Variants in PDE1A observed in about 807,000 individuals in gnomAD.
PDE1A encodes the protein phosphodiesterase 1A.
A neutral mutation model predicts 61.7 loss-of-function variants in PDE1A; 35 were observed. The observed-to-expected ratio is 0.57, with a 90% CI of 0.43 to 0.75. The LOEUF is 0.75. Among genes scored for constraint, PDE1A ranks in the 30% least tolerant of loss-of-function variants. PDE1A has a pLI of 0.00. For synonymous variants in PDE1A, 232 were observed against 213.2 expected (o/e 1.09, Z -0.77); for missense variants, 597 against 630.6 (o/e 0.95, Z 0.57).
chr2:182,451,817 G>C (rs868215172), intron 2 of PDE1A, among the ~76,000 whole-genome samples: 3 of 151,972 alleles, frequency 2.0e-5, no homozygotes, highest in African/African-American at 7.2e-5. Flanking sequence ...CTGCCTCCAC[G>C]GCTTTGTCTT....
chr2:182,677,539 A>G, the PDE1A span, among the ~76,000 whole-genome samples: 1 of 152,220 alleles, frequency 6.6e-6, no homozygotes, highest in Non-Finnish European at 1.5e-5. Flanking sequence ...AGAGCTAGAC[A>G]AAAACTATCT....
chr2:182,276,891 G>A (rs1165890986), intron 1 of PDE1A, among the ~76,000 whole-genome samples: 9 of 151,938 alleles, frequency 5.9e-5, no homozygotes, highest in Non-Finnish European at 8.8e-5. Context: ...ACTGAAATAC[G>A]CCCTGGTCTC....
At chr2:182,251,735 T>C (rs1038251798) in intron 2 of PDE1A, among the ~76,000 whole-genome samples, 2 of 152,250 alleles carry the variant, frequency 1.3e-5, no homozygotes, top group Admixed American at 1.3e-4. Context: ...CTTATGCACA[T>C]TATTTCACCG....
the PDE1A span, among the ~76,000 whole-genome samples, chr2:182,657,477 G>T: frequency 6.6e-6 from 1 of 152,104 alleles, no homozygotes; most frequent in Admixed American, 6.5e-5. Context: ...CCAGACCTTA[G>T]CAAAATCCTA....
At chr2:182,563,205 T>C in the PDE1A span, among the ~76,000 whole-genome samples, 1 of 152,168 alleles carries the variant, frequency 6.6e-6, no homozygotes, top group Non-Finnish European at 1.5e-5. Flanking sequence ...TGCTATAAAT[T>C]TCCCTCTACA....
intron 13 of PDE1A, among the ~76,000 whole-genome samples, chr2:182,173,809 G>A (rs1377257585): frequency 6.6e-6 from 1 of 151,954 alleles, no homozygotes; most frequent in East Asian, 1.9e-4. Context: ...AGTGAACTGT[G>A]CTTTACATGA....
the PDE1A span, among the ~76,000 whole-genome samples, chr2:182,574,656 A>C: frequency 1.3e-5 from 2 of 152,258 alleles, no homozygotes; most frequent in South Asian, 4.1e-4. Context: ...AAAAGGAGGA[A>C]ATACTCATGA....
chr2:182,678,668 T>C, the PDE1A span, among the ~76,000 whole-genome samples: 2 of 152,202 alleles, frequency 1.3e-5, no homozygotes, highest in South Asian at 4.1e-4. Context: ...AACAACCAGT[T>C]AAATGACATA....
At chr2:182,520,398 G>A (rs1055756446) in intron 2 of PDE1A, among the ~76,000 whole-genome samples, 1 of 151,824 alleles carries the variant, frequency 6.6e-6, no homozygotes, top group African/African-American at 2.4e-5. Flanking sequence ...TTAAAAGAAA[G>A]AAAGAAAGAA....
chr2:182,625,761 G>A, the PDE1A span, among the ~76,000 whole-genome samples: 1 of 152,152 alleles, frequency 6.6e-6, no homozygotes, highest in Non-Finnish European at 1.5e-5. Context: ...GTACTTTTGA[G>A]GGGTGCAGGG....
At chr2:182,237,084 T>C (rs1409139415) in intron 3 of PDE1A, among the ~76,000 whole-genome samples, 1 of 152,100 alleles carries the variant, frequency 6.6e-6, no homozygotes, top group Admixed American at 6.6e-5. Flanking sequence ...TTCTGAAAAA[T>C]GATAGTGAAT....
the PDE1A span, among the ~76,000 whole-genome samples, chr2:182,669,874 C>T: frequency 6.6e-6 from 1 of 152,298 alleles, no homozygotes; most frequent in Non-Finnish European, 1.5e-5. Context: ...AGTGGCCAAC[C>T]CAGAGATTCA....
At chr2:182,201,811 A>G (rs1243181346) in intron 8 of PDE1A, 22 bp from the exon 9 acceptor site, 1 of 1,468,958 alleles carries the variant, frequency 6.8e-7, no homozygotes, top group Admixed American at 2.0e-5. Flanking sequence ...CCAAAAGGAG[A>G]AAGGTTCATT....
At chr2:182,187,737 C>CTTTTTTTTTTTTTTTT (rs1038970569) in intron 11 of PDE1A, among the ~76,000 whole-genome samples, 13 of 66,382 alleles carry the variant, frequency 2.0e-4, no homozygotes, top group South Asian at 6.8e-4. Context: ...TTTTTTTGTT[C>CTTTTTTTTTTTTTTTT]TTTTTTTTTT....
chr2:182,248,692 T>C (rs1249079148), intron 2 of PDE1A, among the ~76,000 whole-genome samples: 3 of 152,126 alleles, frequency 2.0e-5, no homozygotes, highest in Admixed American at 1.3e-4. Flanking sequence ...CTGTCCACAG[T>C]GGACTCTTGG....
In PDE1A at chr2:182,322,467, C is replaced by T. The variant is rs570381041; in HGVS notation, c.54-58053G>A. ...TTTTATAAAGGGCAGTTCCCCTGCA[C>T]ATGCCCTCTTGCCTGCCGCCATGTA... On this transcript the variant is annotated intron_variant, in intron 1 of 13. Coordinates refer to ENST00000351439, the Ensembl canonical transcript of PDE1A. 2.0e-5 allele frequency among the ~76,000 whole-genome samples: 3 copies of T among 151,594 alleles called. No individual in the cohort carries two copies. The South Asian group carries it at 6.2e-4, about 31-fold the overall frequency.
At chr2:182,473,104 G>A (rs1426644108) in intron 2 of PDE1A, among the ~76,000 whole-genome samples, 1 of 151,580 alleles carries the variant, frequency 6.6e-6, no homozygotes, top group Admixed American at 6.6e-5. Flanking sequence ...ATCTCCTAAT[G>A]CTATCCCTCC....
chr2:182,650,247 A>G, the PDE1A span, among the ~76,000 whole-genome samples: 1 of 152,126 alleles, frequency 6.6e-6, no homozygotes, highest in African/African-American at 2.4e-5. Flanking sequence ...AGTATTTAGA[A>G]TGCAATCACT....
At chr2:182,593,276 T>A in the PDE1A span, among the ~76,000 whole-genome samples, 2 of 152,344 alleles carry the variant, frequency 1.3e-5, no homozygotes, top group East Asian at 3.9e-4. Flanking sequence ...CTGGTGGAAT[T>A]TGGGATCAAA....
Sources: allele counts gnomAD v4.1 joint callset (sites outside exome capture counted in the v4.1 genomes callset), GRCh38; gene constraint gnomAD v4.1.1; transcripts MANE v1.5; gene names NCBI Gene and HGNC (gene_info 2026-07-23, HGNC 2026-07-21).